The following SMG8 variants were observed in gnomAD, a reference collection of about 807,000 sequenced individuals.
SMG8 encodes SMG8 nonsense mediated mRNA decay factor.
Under a neutral mutation model 82.1 loss-of-function variants are expected in SMG8, and 49 were observed. The ratio of observed to expected loss-of-function variants is 0.60; its 90% CI spans 0.47 to 0.76. The LOEUF is 0.76. SMG8 is among the 30% of genes least tolerant of loss of function. The pLI is 0.00. For synonymous variants in SMG8, 404 were observed against 430.0 expected, an observed-to-expected ratio of 0.94 and a Z score of 0.75; for missense variants, 969 against 1,166.4, an observed-to-expected ratio of 0.83 and a Z score of 2.46.
Position 59,213,321 on chromosome 17 carries a change from T to C in SMG8, c.2498T>C (p.Met833Thr), listed in dbSNP as rs1453442798. The C allele has an allele frequency of 1.9e-6, 3 of 1,614,138 alleles. No homozygotes were observed. Among genetic ancestry groups the C allele is most frequent in the Non-Finnish European group, 2.5e-6 (3 of 1,180,022 alleles). The change falls in exon 3 of 4, where the codon ATG becomes ACG. Residue 833 changes from methionine to threonine, a missense_variant. Physicochemically the swap from Met to Thr is moderately conservative, Grantham distance 81 (BLOSUM62 -1). Coordinates refer to ENST00000300917, the MANE Select transcript of SMG8 (RefSeq NM_018149.7). ...AIPGKRSAVV[M>T]GRGRRRDDIA... ...CCTGGAAAGAGAAGTGCGGTTGTAA[T>C]GGGAAGAGGAAGACGGCGAGATGAC...
chr17:59,211,152 G>C lies in SMG8; in HGVS notation c.1101G>C (p.Leu367Phe). Residue 367 changes from leucine (L) to phenylalanine (F), a missense_variant, in exon 1 of 4, where the codon TTG becomes TTC. Transcript: ENST00000300917. ...SHCTVKDPESLLVPAPLSGPR... is the reference protein window; with the variant it reads ...SHCTVKDPESFLVPAPLSGPR... ...GTACTGTGAAGGACCCGGAATCTTTGCTGGTGCCTGCACCCCTTTCTGGGC... is the reference window on the plus strand; with the variant it reads ...GTACTGTGAAGGACCCGGAATCTTTCCTGGTGCCTGCACCCCTTTCTGGGC... The C allele has an allele frequency of 6.2e-7, 1 of 1,614,166 alleles. No homozygotes were observed. The highest frequency in any genetic ancestry group is 1.1e-5 in the South Asian group (1 of 91,080).
At position 59,213,542 on chromosome 17, in the gene SMG8, C is replaced by T. The variant is rs769339598; in HGVS notation, c.2719C>T (p.Leu907Phe). 36 of 1,613,998 alleles carry T rather than the reference C, an allele frequency of 2.2e-5. 1 individual carries two copies. In the South Asian group the frequency reaches 3.6e-4, roughly 16 times the overall value. The change falls in exon 3 of 4, where the codon CTT becomes TTT. Residue 907 changes from leucine (L) to phenylalanine (F), a missense_variant. This residue lies in a region of SMG8 where 101 missense variants were observed against 91.1 expected (regional missense o/e 1.11). Transcript: ENST00000300917. Reference sequence around the variant, plus strand: ...AGGGCTGAAACCTCATTATGCTCAACTTATGAGGCTTTTTGTTGTGGTTCC... The same window carrying T: ...AGGGCTGAAACCTCATTATGCTCAATTTATGAGGCTTTTTGTTGTGGTTCC... ...GRGLKPHYAQ[L>F]MRLFVVVPDA...
At position 59,211,527 on chromosome 17, in the gene SMG8, C is replaced by T. The variant is rs371341823; in HGVS notation, c.1476C>T (p.Asp492=). 1.2e-6 allele frequency: 2 copies of T among 1,613,800 alleles called. No individual in the cohort carries two copies. The highest frequency in any genetic ancestry group is 2.7e-5 in the African/African-American group (2 of 74,906). The part of the protein sequence containing the change: ...IKVLEGFLDI[D]TKFSENRCQK... The stretch of plus-strand genomic sequence containing the variant: ...TCTTGGAAGGATTTTTGGATATTGA[C>T]ACAAAATTCTCAGAAAACCGATGCC... The change falls in exon 1 of 4, where the codon GAC becomes GAT. Residue 492 remains aspartate (D), a synonymous_variant. Coordinates refer to ENST00000300917, the MANE Select transcript of SMG8 (RefSeq NM_018149.7).
Position 59,210,041 on chromosome 17 carries a change from C to T in SMG8, c.-11C>T, listed in dbSNP as rs755739150. 7 of 1,504,246 alleles carry T rather than the reference C, an allele frequency of 4.7e-6. No homozygotes were observed. Among genetic ancestry groups the T allele is most frequent in the Admixed American group, 2.4e-5 (1 of 42,184 alleles). 93.2% of individuals were successfully genotyped at this position (1,504,246 alleles called of 1,614,324 possible). On this transcript the variant is annotated 5_prime_UTR_variant, in exon 1 of 4. It adds an upstream start codon to the 5' untranslated region. Transcript: ENST00000300917. ...AACGGACCGGAAGGACTCTAGAGAA[C>T]GCTCTGCACTATGGCTGGTCCCGTG...
rs761572720 is a variant in SMG8 at position 59,210,677 on chromosome 17, T to G, written c.626T>G (p.Ile209Ser). ...SLLYLFSVCHILLLVHPTCSF... is the reference protein window; with the variant it reads ...SLLYLFSVCHSLLLVHPTCSF... ...CTTTACCTATTCTCTGTCTGTCATA[T>G]CTTGCTTCTGGTCCATCCCACTTGT... is the stretch of plus-strand genomic sequence containing the variant. The change falls in exon 1 of 4, where the codon ATC (isoleucine) becomes AGC (serine). Residue 209 changes from isoleucine (I) to serine (S), a missense_variant. Physicochemically the swap from Ile to Ser is moderately radical, Grantham distance 142. Coordinates refer to ENST00000300917, the MANE Select transcript of SMG8 (RefSeq NM_018149.7). 6.2e-7 allele frequency: 1 copy of G among 1,614,140 alleles called. No homozygotes were observed. Among genetic ancestry groups the G allele is most frequent in the African/African-American group, 1.3e-5 (1 of 75,040 alleles).
At position 59,210,471 on chromosome 17, in the gene SMG8, C is replaced by T. The variant is rs1220758096; in HGVS notation, c.420C>T (p.Ala140=). The T allele has an allele frequency of 6.3e-7, 1 of 1,589,642 alleles. No homozygotes were observed. The highest frequency in any genetic ancestry group is 8.5e-7 in the Non-Finnish European group (1 of 1,171,168). Reference sequence around the variant, plus strand: ...CCCAGGACTACAGCCTTCTGCAGGCCTACTACAGTCAGGAAAGCAAAGTTC... The same window carrying T: ...CCCAGGACTACAGCCTTCTGCAGGCTTACTACAGTCAGGAAAGCAAAGTTC... ...AGSQDYSLLQ[A]YYSQESKVLY... The change falls in exon 1 of 4, where the codon GCC becomes GCT. Residue 140 remains alanine (A), a synonymous_variant. Transcript: ENST00000300917.
chr17:59,211,237 A>T lies in SMG8; in HGVS notation c.1186A>T (p.Ser396Cys), dbSNP rs755652831. 1 of 1,614,238 alleles carries T rather than the reference A, an allele frequency of 6.2e-7. No individual in the cohort carries two copies. The highest frequency in any genetic ancestry group is 2.2e-5 in the East Asian group (1 of 44,888). The change falls in exon 1 of 4, where the codon AGC (serine) becomes TGC (cysteine). Residue 396 changes from serine to cysteine, a missense_variant. Physicochemically the swap from Ser to Cys is moderately radical, Grantham distance 112. Coordinates refer to ENST00000300917, the MANE Select transcript of SMG8 (RefSeq NM_018149.7). ...SRQQLSFHID[S>C]SSSSSSGQLV... ...ACAACAACTTTCCTTTCACATTGACAGCAGCAGTTCCAGTTCTTCAGGCCA... is the reference window on the plus strand; with the variant it reads ...ACAACAACTTTCCTTTCACATTGACTGCAGCAGTTCCAGTTCTTCAGGCCA...
rs1378068346 is a variant in SMG8, at chr17:59,210,063, C to G, written c.12C>G (p.Pro4=). 35 of 1,561,692 alleles carry G rather than the reference C, an allele frequency of 2.2e-5. No individual in the cohort carries two copies. The highest frequency in any genetic ancestry group is 2.8e-5 in the Non-Finnish European group (32 of 1,159,186). MAG[P]VSLRDLLMGA... Reference sequence around the variant, plus strand: ...GAACGCTCTGCACTATGGCTGGTCCCGTGAGCTTGCGAGACCTTCTAATGG... The same window carrying G: ...GAACGCTCTGCACTATGGCTGGTCCGGTGAGCTTGCGAGACCTTCTAATGG... Residue 4 remains proline, a synonymous_variant, in exon 1 of 4, where the codon CCC becomes CCG. Coordinates refer to ENST00000300917, the MANE Select transcript of SMG8 (RefSeq NM_018149.7).
Position 59,211,083 on chromosome 17 carries a change from G to A in SMG8, c.1032G>A (p.Glu344=). 1 of 1,614,214 alleles carries A rather than the reference G, an allele frequency of 6.2e-7. No homozygotes were observed. Among genetic ancestry groups the A allele is most frequent in the East Asian group, 2.2e-5 (1 of 44,884 alleles). The part of the protein sequence containing the change: ...AFVYIVPGSQ[E]EDPVGMLLDQ... ...TGTACATAGTACCGGGAAGCCAGGA[G>A]GAGGACCCAGTAGGTATGTTGCTGG... The change falls in exon 1 of 4, where the codon GAG becomes GAA. Residue 344 remains glutamate (E), a synonymous_variant. Transcript: ENST00000300917.
intron 3 of SMG8, among the ~76,000 whole-genome samples, 174 bp from the exon 4 acceptor site, chr17:59,214,631 A>T (rs1431411674): frequency 1.3e-5 from 2 of 151,544 alleles, no homozygotes; most frequent in Admixed American, 6.6e-5. Flanking sequence ...CTGGTCTCGA[A>T]CTCCTGACCT....
chr17:59,213,229 C>T lies in SMG8; in HGVS notation c.2406C>T (p.Ile802=). Residue 802 remains isoleucine (I), a synonymous_variant, in exon 3 of 4, where the codon ATC becomes ATT. Transcript: ENST00000300917. ...TNYLMPWDIV[I]RTRAEDEGDL... is the part of the protein sequence containing the mutation. ...ATCTTATGCCTTGGGACATTGTCAT[C>T]AGGACTAGAGCTGAAGATGAAGGAG... 1 of 1,614,184 alleles carries T rather than the reference C, an allele frequency of 6.2e-7. No individual in the cohort carries two copies. Among genetic ancestry groups the T allele is most frequent in the East Asian group, 2.2e-5 (1 of 44,886 alleles).
chr17:59,213,206 C>A lies in SMG8; in HGVS notation c.2383C>A (p.Leu795Ile). The A allele has an allele frequency of 1.2e-6, 2 of 1,614,156 alleles. No individual in the cohort carries two copies. Residue 795 changes from leucine to isoleucine, a missense_variant, in exon 3 of 4, where the codon CTT becomes ATT. This residue lies in a region of SMG8 where 662 missense variants were observed against 884.8 expected (regional missense o/e 0.75). Transcript: ENST00000300917. ...GGGCTTTATTCCAGGAACAAATTAT[C>A]TTATGCCTTGGGACATTGTCATCAG... Reference protein sequence around the residue: ...QQGFIPGTNYLMPWDIVIRTR... With the variant: ...QQGFIPGTNYIMPWDIVIRTR...
Position 59,214,403 on chromosome 17 carries a change from T to TTTTA in SMG8, c.2779-390_2779-387dup, listed in dbSNP as rs1345641209. ...CATATCTGCTTAATCTTATATATTC[T>TTTTA]TTTATTTATTTATTTGTTTGTTTTT... On this transcript the variant is annotated intron_variant, in intron 3 of 3. Coordinates refer to ENST00000300917, the MANE Select transcript of SMG8 (RefSeq NM_018149.7). Among the ~76,000 whole-genome samples the TTTTA allele has an allele frequency of 3.3e-5, 5 of 152,136 alleles. No individual in the cohort carries two copies. The East Asian group carries it at 5.8e-4, about 18-fold the overall frequency.
chr17:59,210,721 G>C lies in SMG8; in HGVS notation c.670G>C (p.Asp224His). Residue 224 changes from aspartate to histidine, a missense_variant, in exon 1 of 4, where the codon GAT becomes CAT. Physicochemically the swap from Asp to His is moderately conservative, Grantham distance 81. This residue lies in a region of SMG8 where 662 missense variants were observed against 884.8 expected (regional missense o/e 0.75). Coordinates refer to ENST00000300917, the MANE Select transcript of SMG8 (RefSeq NM_018149.7). ...HPTCSFDITYDRVFRALDGLR... is the reference protein window; with the variant it reads ...HPTCSFDITYHRVFRALDGLR... ...CACTTGTTCCTTTGATATCACTTAT[G>C]ATCGAGTATTCAGAGCCCTGGATGG... 1 of 1,614,032 alleles carries C rather than the reference G, an allele frequency of 6.2e-7. No homozygotes were observed. Among genetic ancestry groups the C allele is most frequent in the Non-Finnish European group, 8.5e-7 (1 of 1,179,990 alleles).
At chr17:59,214,230 T>C (rs2046957449) in intron 3 of SMG8, among the ~76,000 whole-genome samples, 2 of 151,904 alleles carry the variant, frequency 1.3e-5, no homozygotes, top group Non-Finnish European at 2.9e-5. Context: ...GAGGTTGCAG[T>C]GAGCCGAGAT....
Position 59,211,630 on chromosome 17 carries a change from C to G in SMG8, c.1579C>G (p.Gln527Glu). ...HNYTMTVHKNQLAQALRVYSQ... is the reference protein window; with the variant it reads ...HNYTMTVHKNELAQALRVYSQ... ...TTACACAATGACTGTCCATAAGAAT[C>G]AGCTTGCCCAGGCTCTTCGAGTGTA... The change falls in exon 1 of 4, where the codon CAG becomes GAG. Residue 527 changes from glutamine (Q) to glutamate (E), a missense_variant. Physicochemically the swap from Gln to Glu is conservative, Grantham distance 29 (BLOSUM62 2). This residue lies in a region of SMG8 where 662 missense variants were observed against 884.8 expected (regional missense o/e 0.75). Transcript: ENST00000300917. The G allele has an allele frequency of 6.2e-7, 1 of 1,614,020 alleles. No homozygotes were observed. Among genetic ancestry groups the G allele is most frequent in the East Asian group, 2.2e-5 (1 of 44,890 alleles).
chr17:59,211,596 G>A lies in SMG8; in HGVS notation c.1545G>A (p.Leu515=). 1.2e-6 allele frequency: 2 copies of A among 1,614,122 alleles called. No homozygotes were observed. Among genetic ancestry groups the A allele is most frequent in the South Asian group, 1.1e-5 (1 of 91,072 alleles). The change falls in exon 1 of 4, where the codon TTG becomes TTA. Residue 515 remains leucine, a synonymous_variant. Coordinates refer to ENST00000300917, the MANE Select transcript of SMG8 (RefSeq NM_018149.7). ...PMAHSAYQSN[L]PHNYTMTVHK... is the part of the protein sequence containing the mutation. Reference sequence around the variant, plus strand: ...CCCACAGTGCCTACCAGTCAAATTTGCCTCATAATTACACAATGACTGTCC... The same window carrying A: ...CCCACAGTGCCTACCAGTCAAATTTACCTCATAATTACACAATGACTGTCC...
chr17:59,214,228 A>C (rs1475326735), intron 3 of SMG8, among the ~76,000 whole-genome samples: 1 of 152,054 alleles, frequency 6.6e-6, no homozygotes, highest in African/African-American at 2.4e-5. Context: ...CGGAGGTTGC[A>C]GTGAGCCGAG....
At position 59,210,881 on chromosome 17, in the gene SMG8, T is replaced by G. The variant is rs754295770; in HGVS notation, c.830T>G (p.Val277Gly). Reference sequence around the variant, plus strand: ...TTTCAACTCAATGGAGCCCTCAAGGTAGAACCTCCTCGGAACCAAGACCCA... The same window carrying G: ...TTTCAACTCAATGGAGCCCTCAAGGGAGAACCTCCTCGGAACCAAGACCCA... Reference protein sequence around the residue: ...FLFQLNGALKVEPPRNQDPAH... With the variant: ...FLFQLNGALKGEPPRNQDPAH... Residue 277 changes from valine to glycine, a missense_variant, in exon 1 of 4, where the codon GTA becomes GGA. Transcript: ENST00000300917. The G allele has an allele frequency of 1.5e-5, 24 of 1,613,828 alleles. No homozygotes were observed. The highest frequency in any genetic ancestry group is 3.3e-4 in the Middle Eastern group (2 of 6,084).
Sources: allele counts gnomAD v4.1 joint callset (sites outside exome capture counted in the v4.1 genomes callset), GRCh38; gene constraint gnomAD v4.1.1; regional missense constraint gnomAD v4.1.1; transcripts MANE v1.5; gene names NCBI Gene and HGNC (gene_info 2026-07-23, HGNC 2026-07-21).